Variants in TENM3 observed in about 807,000 individuals in gnomAD.
The protein encoded by TENM3 is teneurin transmembrane protein 3, also known as teneurin-3.
Under a neutral mutation model 255.1 loss-of-function variants are expected in TENM3, and 63 were observed. That is an observed-to-expected ratio of 0.25 (90% CI 0.20 to 0.30). The LOEUF (loss-of-function observed/expected upper bound fraction) is 0.30, where lower values mean the gene tolerates loss of function less well. Ranked by LOEUF, TENM3 falls within the 10% of genes least tolerant of loss-of-function variation. The pLI is 1.00. For missense variants in TENM3, 2,929 were observed against 3,461.1 expected (o/e 0.85, Z 3.86); for synonymous variants, 1,306 against 1,322.3 (o/e 0.99, Z 0.27).
chr4:181,920,432 G>T, the TENM3 span, among the ~76,000 whole-genome samples: 1 of 152,112 alleles, frequency 6.6e-6, no homozygotes, highest in South Asian at 2.1e-4. Context: ...CATTCTAACT[G>T]GTGTGAGATG....
chr4:181,982,373 G>A, the TENM3 span, among the ~76,000 whole-genome samples: 1 of 152,122 alleles, frequency 6.6e-6, no homozygotes, highest in South Asian at 2.1e-4. Context: ...CAGAGCCTTA[G>A]TATGTATGCC....
At chr4:181,447,930 A>G in the TENM3 span, among the ~76,000 whole-genome samples, 12 of 151,958 alleles carry the variant, frequency 7.9e-5, no homozygotes, top group Non-Finnish European at 1.3e-4. Flanking sequence ...CACCCTGCCT[A>G]TAGCCGTAGT....
intron 13 of TENM3, among the ~76,000 whole-genome samples, chr4:182,721,748 C>A (rs1759751135): frequency 6.6e-6 from 1 of 152,054 alleles, no homozygotes; most frequent in Admixed American, 6.6e-5. Context: ...CAAAAATGTT[C>A]AACAAAATGA....
chr4:182,370,001 C>T (rs938407757), intron 3 of TENM3, among the ~76,000 whole-genome samples: 5 of 152,194 alleles, frequency 3.3e-5, no homozygotes, highest in African/African-American at 1.2e-4. Context: ...TTACCTTAGG[C>T]AGTTCACCTG....
At chr4:181,593,928 G>A in the TENM3 span, among the ~76,000 whole-genome samples, 1 of 151,506 alleles carries the variant, frequency 6.6e-6, no homozygotes, top group African/African-American at 2.4e-5. Flanking sequence ...ATCTAGGCAT[G>A]TTCTAGCAAT....
At chr4:181,449,506 G>A in the TENM3 span, among the ~76,000 whole-genome samples, 1 of 152,162 alleles carries the variant, frequency 6.6e-6, no homozygotes, top group Admixed American at 6.5e-5. Context: ...AATCAGGGCC[G>A]GGTGTGGTGG....
In TENM3 at chr4:182,749,949, C is replaced by T. The variant is rs541325384; in HGVS notation, c.3630-1851C>T. The stretch of plus-strand genomic sequence containing the variant: ...TCACCAATTATATATACCTGAAAGA[C>T]CAGCTGTGTCAACATTAGACTGTTT... On this transcript the variant is annotated intron_variant, in intron 19 of 27. Coordinates refer to ENST00000511685, the MANE Select transcript of TENM3 (RefSeq NM_001080477.4). Among the ~76,000 whole-genome samples, 4 of 149,992 alleles carry T rather than the reference C, an allele frequency of 2.7e-5. No homozygotes were observed. In the East Asian group the frequency reaches 6.0e-4, roughly 22 times the overall value.
At chr4:182,681,163 C>T (rs554462419) in intron 10 of TENM3, among the ~76,000 whole-genome samples, 1 of 152,166 alleles carries the variant, frequency 6.6e-6, no homozygotes, top group African/African-American at 2.4e-5. Flanking sequence ...TAGCTGTATA[C>T]GTATAATGAT....
intron 19 of TENM3, among the ~76,000 whole-genome samples, chr4:182,745,991 A>C (rs1761987464): frequency 6.6e-6 from 1 of 152,064 alleles, no homozygotes; most frequent in African/African-American, 2.4e-5. Context: ...CATTTCCTTT[A>C]TGTGCCATGC....
At chr4:181,793,566 G>A in the TENM3 span, among the ~76,000 whole-genome samples, 12 of 152,128 alleles carry the variant, frequency 7.9e-5, 1 homozygote, top group Admixed American at 7.9e-4. Context: ...GCACAGTAGG[G>A]AACTTGGCTT....
chr4:182,208,228 C>G (rs998821607), intron 1 of TENM3, among the ~76,000 whole-genome samples: 3 of 152,198 alleles, frequency 2.0e-5, no homozygotes, highest in Admixed American at 2.0e-4. Flanking sequence ...ATAAAAAGCA[C>G]TGGGTAATCA....
the TENM3 span, among the ~76,000 whole-genome samples, chr4:181,822,213 T>C: frequency 6.6e-6 from 1 of 152,182 alleles, no homozygotes; most frequent in Non-Finnish European, 1.5e-5. Flanking sequence ...AGAAATTTGC[T>C]CACACAGTGA....
At chr4:182,484,234 C>G (rs1025734570) in intron 3 of TENM3, among the ~76,000 whole-genome samples, 1 of 152,102 alleles carries the variant, frequency 6.6e-6, no homozygotes, top group Non-Finnish European at 1.5e-5. Flanking sequence ...ATTTTTACCA[C>G]CCATTTTACA....
chr4:182,078,635 C>T, the TENM3 span, among the ~76,000 whole-genome samples: 3 of 152,144 alleles, frequency 2.0e-5, no homozygotes, highest in African/African-American at 7.2e-5. Context: ...CTTCTCACTG[C>T]TGTGGAAAAC....
the TENM3 span, among the ~76,000 whole-genome samples, chr4:181,857,551 C>CAAAAAAAAAAAAAAAAAA: frequency 8.6e-5 from 9 of 104,792 alleles, no homozygotes; most frequent in South Asian, 2.7e-4. Flanking sequence ...CCTGTCTCTA[C>CAAAAAAAAAAAAAAAAAA]AAAAAAAAAA....
chr4:181,622,401 C>T, the TENM3 span, among the ~76,000 whole-genome samples: 2 of 152,188 alleles, frequency 1.3e-5, no homozygotes, highest in Admixed American at 1.3e-4. Context: ...CTAGGCCAGG[C>T]ACAGTGGCTT....
In TENM3 at chr4:182,796,668, C is replaced by A. The variant is rs780524076; in HGVS notation, c.7245C>A (p.Phe2415Leu). 4 of 1,611,284 alleles carry A rather than the reference C, an allele frequency of 2.5e-6. No individual in the cohort carries two copies. In the South Asian group the frequency reaches 4.4e-5, roughly 18 times the overall value. ...ACAGCTGGCTGGTGACATTTGGTTT[C>A]CATCTGCACAATGCTATTCCTGGAT... ...DVNSWLVTFG[F>L]HLHNAIPGFP... Residue 2415 changes from phenylalanine to leucine, a missense_variant, in exon 27 of 28, where the codon TTC becomes TTA. By Grantham distance (22) the Phe-to-Leu change is conservative. Around this residue, in one of 6 missense-constraint regions of TENM3, gnomAD observed 476 missense variants for 480.1 expected, o/e 0.99. Transcript: ENST00000511685.
Position 182,773,566 on chromosome 4 carries a change from A to G in TENM3, c.4987A>G (p.Ile1663Val). 6.2e-7 allele frequency: 1 copy of G among 1,613,976 alleles called. No homozygotes were observed. The highest frequency in any genetic ancestry group is 1.1e-5 in the South Asian group (1 of 91,062). ...CATGGACAAGGCTATCACAGTGGACATTGAGTCATCTAGCCGAGAAGAAGA... is the reference window on the plus strand; with the variant it reads ...CATGGACAAGGCTATCACAGTGGACGTTGAGTCATCTAGCCGAGAAGAAGA... ...GDMDKAITVD[I>V]ESSSREEDVS... Residue 1663 changes from isoleucine to valine, a missense_variant, in exon 23 of 28, where the codon ATT (isoleucine) becomes GTT (valine). Ile to Val is a conservative substitution (Grantham distance 29, BLOSUM62 3). Around this residue, in one of 6 missense-constraint regions of TENM3, gnomAD observed 1,608 missense variants for 1,884.4 expected, o/e 0.85. Coordinates refer to ENST00000511685, the MANE Select transcript of TENM3 (RefSeq NM_001080477.4).
chr4:181,663,788 G>A, the TENM3 span, among the ~76,000 whole-genome samples: 5 of 152,168 alleles, frequency 3.3e-5, no homozygotes, highest in African/African-American at 1.2e-4. Context: ...TTCTTCCTGA[G>A]TTAGTGACTG....
Sources: allele counts gnomAD v4.1 joint callset (sites outside exome capture counted in the v4.1 genomes callset), GRCh38; gene constraint gnomAD v4.1.1; regional missense constraint gnomAD v4.1.1; transcripts MANE v1.5; gene names NCBI Gene and HGNC (gene_info 2026-07-23, HGNC 2026-07-21).